ECE1: variants seen among roughly 807,000 people sequenced by gnomAD.
ECE1 encodes the protein endothelin-converting enzyme 1.
Under a neutral mutation model 98.6 loss-of-function variants are expected in ECE1, and 35 were observed. The ratio of observed to expected loss-of-function variants is 0.35; its 90% confidence interval spans 0.27 to 0.47. The LOEUF is 0.47. Among genes scored for constraint, ECE1 ranks in the 20% least tolerant of loss-of-function variants. The pLI, the probability that ECE1 is intolerant of heterozygous loss-of-function variation, is 1.00. For missense variants in ECE1, 814 were observed against 1,025.3 expected (o/e 0.79, Z 2.81); for synonymous variants, 394 against 407.1 (o/e 0.97, Z 0.39).
Position 21,245,168 on chromosome 1 carries a change from C to T in ECE1, c.1164-65G>A, listed in dbSNP as rs374750291. ...GGCAGGGAGGATTGCGGCCCTTCCC[C>T]TGCTGGCCCCTAGGGGGCTCTCAAA... is the stretch of plus-strand genomic sequence containing the variant. On this transcript the variant is annotated intron_variant, in intron 9 of 18. Coordinates refer to ENST00000374893, the MANE Select transcript of ECE1 (RefSeq NM_001397.3). The T allele has an allele frequency of 2.8e-6, 4 of 1,431,200 alleles. No homozygotes were observed. In the African/African-American group the frequency reaches 5.6e-5, roughly 20 times the overall value. The allele number at this position is 1,431,200 out of a possible 1,614,324, so 88.7% of individuals were successfully genotyped here.
chr1:21,279,013 C>A (rs1468404664), intron 3 of ECE1, among the ~76,000 whole-genome samples, 178 bp downstream of exon 3: 2 of 152,126 alleles, frequency 1.3e-5, no homozygotes, highest in African/African-American at 4.8e-5. Context: ...TTTATATCAC[C>A]CACGCTGCCC....
chr1:21,290,145 G>T lies in ECE1; in HGVS notation c.63C>A (p.Tyr21Ter). 1 of 1,565,780 alleles carries T rather than the reference G, an allele frequency of 6.4e-7. No individual in the cohort carries two copies. ...CCTCCTCGTCCAGCGTGGCCCGCTT[G>T]TACGTCGACATCTGCAAGGCCAAAT... The part of the protein sequence containing the change: ...ALLSALGMST[Y>*]KRATLDEEDL... The change falls in exon 2 of 19, where the codon TAC becomes TAA. Residue 21 changes from tyrosine to a stop codon, truncating the protein, a stop_gained. Transcript: ENST00000374893. LOFTEE classifies it high-confidence loss of function. The surrounding 1 kb of genome is among the most constrained non-coding windows in gnomAD (Gnocchi z 7.3).
At chr1:21,269,484 G>C (rs528494089) in intron 4 of ECE1, among the ~76,000 whole-genome samples, 3 of 152,188 alleles carry the variant, frequency 2.0e-5, no homozygotes, top group Non-Finnish European at 2.9e-5. Flanking sequence ...CTAATGAGCT[G>C]AGTTTCAGTT....
At chr1:21,239,023 T>A (rs1275119359) in intron 10 of ECE1, among the ~76,000 whole-genome samples, 2 of 150,638 alleles carry the variant, frequency 1.3e-5, no homozygotes, top group Non-Finnish European at 3.0e-5. Context: ...TGTGGAGACA[T>A]CATCCCACTA....
At chr1:21,257,620 T>G (rs576231805) in intron 6 of ECE1, 30 bp from the exon 7 acceptor site, 1 of 1,613,408 alleles carries the variant, frequency 6.2e-7, no homozygotes, top group South Asian at 1.1e-5. Flanking sequence ...TGAGAGGGAA[T>G]TCGTGTTGCA....
chr1:21,345,123 A>C lies in ECE1; in HGVS notation c.3+253T>G. The stretch of plus-strand genomic sequence containing the variant: ...GAACCGGGGACCCCGAGCCCCCCAC[A>C]TCCGGCTGGGACCAGAACCAAGCTC... On this transcript the variant is annotated intron_variant, in intron 1 of 18. Transcript: ENST00000415912. This position sits in a 1 kb window ranked among gnomAD's most constrained non-coding sequence, Gnocchi z 5.1. 1 of 289,404 alleles carries C rather than the reference A, an allele frequency of 3.5e-6. No individual in the cohort carries two copies. The highest frequency in any genetic ancestry group is 2.2e-5 in the African/African-American group (1 of 44,568). 17.9% of individuals were successfully genotyped at this position (289,404 alleles called of 1,614,324 possible). A position where few individuals can be genotyped will look rare whatever the true frequency, so the allele number is the denominator to read the frequency against.
intron 1 of ECE1, among the ~76,000 whole-genome samples, chr1:21,312,045 C>T (rs1353920264): frequency 6.6e-6 from 1 of 151,034 alleles, no homozygotes; most frequent in African/African-American, 2.4e-5. Context: ...ATTGCTTGAA[C>T]CCAGGAGGCG....
chr1:21,320,090 C>T (rs1283635487), intron 1 of ECE1, among the ~76,000 whole-genome samples: 1 of 152,204 alleles, frequency 6.6e-6, no homozygotes, highest in Non-Finnish European at 1.5e-5. Context: ...TGTGGTGAGC[C>T]GCATTCAAAG....
At position 21,290,052 on chromosome 1, in the gene ECE1, G is replaced by A. The variant is rs776450133; in HGVS notation, c.138+18C>T. ...GCCCGGGGCGCCTGGACCTCGGGAG[G>A]GAGCGGAGGGCGCCTACCTGCAGGC... On this transcript the variant is annotated intron_variant, in intron 2 of 18. Coordinates refer to ENST00000374893, the MANE Select transcript of ECE1 (RefSeq NM_001397.3). This position sits in a 1 kb window ranked among gnomAD's most constrained non-coding sequence, Gnocchi z 7.3. The A allele has an allele frequency of 2.1e-6, 3 of 1,446,628 alleles. No individual in the cohort carries two copies. The highest frequency in any genetic ancestry group is 5.6e-5 in the East Asian group (2 of 35,902). The allele number at this position is 1,446,628 out of a possible 1,614,324, so 89.6% of individuals were successfully genotyped here. A position where few individuals can be genotyped will look rare whatever the true frequency, so the allele number is the denominator to read the frequency against.
rs531164790 is a variant in ECE1 at position 21,227,474 on chromosome 1, A to T, written c.1782-248T>A. On this transcript the variant is annotated intron_variant, in intron 15 of 18. Transcript: ENST00000374893. ...ATGCGCTGTGCTAGATGCTCTACAG[A>T]CCTAACTGTCCTCTTCAGTCATTGC... 9.9e-5 allele frequency among the ~76,000 whole-genome samples: 15 copies of T among 152,230 alleles called. No homozygotes were observed. The South Asian group carries it at 2.9e-3, about 29-fold the overall frequency.
Position 21,225,627 on chromosome 1 carries a change from T to C in ECE1, c.1850-187A>G, listed in dbSNP as rs2098173184. Among the ~76,000 whole-genome samples the C allele has an allele frequency of 6.6e-6, 1 of 151,654 alleles. No homozygotes were observed. Among genetic ancestry groups the C allele is most frequent in the South Asian group, 2.1e-4 (1 of 4,800 alleles). On this transcript the variant is annotated intron_variant, in intron 16 of 18. Transcript: ENST00000374893. The surrounding 1 kb of genome is among the most constrained non-coding windows in gnomAD (Gnocchi z 5.3). ...GTGGCCAGTCAGAGGCGGGAGAGGA[T>C]GAAGGAGAGAAATCGGGAAAAGCTC...
chr1:21,236,970 G>A (rs1417836023), intron 11 of ECE1, 126 bp from the exon 12 acceptor site: 1 of 927,336 alleles, frequency 1.1e-6, no homozygotes, highest in African/African-American at 1.6e-5. Flanking sequence ...GGCTGGGTGA[G>A]AAGGGGAGCC....
rs559081073 is a variant in ECE1, at chr1:21,331,862, C to T, written c.3+13514G>A. ...ATTACTGCTAAGACTAGTAAAACAC[C>T]GCGGGCAGGAAAGAATGGAGGATTA... On this transcript the variant is annotated intron_variant, in intron 1 of 18. Transcript: ENST00000415912. Among the ~76,000 whole-genome samples, 9 of 152,266 alleles carry T rather than the reference C, an allele frequency of 5.9e-5. No homozygotes were observed. The East Asian group carries it at 7.7e-4, about 13-fold the overall frequency.
chr1:21,232,190 C>T (rs1319070456), intron 14 of ECE1, among the ~76,000 whole-genome samples: 2 of 152,124 alleles, frequency 1.3e-5, no homozygotes, highest in Non-Finnish European at 2.9e-5. Flanking sequence ...TTGCACCCTT[C>T]CCTAAGATTT....
intron 1 of ECE1, among the ~76,000 whole-genome samples, chr1:21,296,215 T>C (rs910846790): frequency 2.6e-4 from 40 of 152,170 alleles, no homozygotes; most frequent in African/African-American, 8.9e-4. Flanking sequence ...GAGTTATTAA[T>C]AGAAATCATG....
chr1:21,228,697 G>A (rs1360354812), intron 14 of ECE1, among the ~76,000 whole-genome samples: 2 of 151,822 alleles, frequency 1.3e-5, no homozygotes, highest in East Asian at 2.0e-4. Flanking sequence ...GCTGAGGCAC[G>A]AGAATTGCTT....
At chr1:21,294,445 G>A (rs1638298011), upstream of ECE1, 1 of 152,568 alleles carries the variant, frequency 6.6e-6, no homozygotes, top group Admixed American at 6.5e-5. This position sits in a 1 kb window ranked among gnomAD's most constrained non-coding sequence, Gnocchi z 4.2. Flanking sequence ...TTCAAGAGGA[G>A]GGCCTGGCAG....
Position 21,233,557 on chromosome 1 carries a change from C to A in ECE1, c.1670+1G>T. The A allele has an allele frequency of 6.2e-7, 1 of 1,613,310 alleles. No homozygotes were observed. Among genetic ancestry groups the A allele is most frequent in the Non-Finnish European group, 8.5e-7 (1 of 1,179,914 alleles). On this transcript the variant is annotated splice_donor_variant, in intron 14 of 18. Coordinates refer to ENST00000374893, the MANE Select transcript of ECE1 (RefSeq NM_001397.3). LOFTEE classifies it high-confidence loss of function. The surrounding 1 kb of genome is among the most constrained non-coding windows in gnomAD (Gnocchi z 4.0). The stretch of plus-strand genomic sequence containing the variant: ...TGCCGGCAGGGCCTGGGGGAACTCA[C>A]TGATCTCTGTTGGGGGCTTTCCTGA...
rs1039203230 is a variant in ECE1 at position 21,219,883 on chromosome 1, C to A, written c.*72G>T. The A allele has an allele frequency of 1.3e-6, 2 of 1,595,288 alleles. No homozygotes were observed. The highest frequency in any genetic ancestry group is 1.7e-6 in the Non-Finnish European group (2 of 1,168,856). ...GGGTGGCCAAGCGGGCTGAGCAATG[C>A]CCTGGAGGCTGGATGGGGGTCTCGT... On this transcript the variant is annotated 3_prime_UTR_variant, in exon 19 of 19. Coordinates refer to ENST00000374893, the MANE Select transcript of ECE1 (RefSeq NM_001397.3). The surrounding 1 kb of genome is among the most constrained non-coding windows in gnomAD (Gnocchi z 4.5).
Sources: gnomAD v4.1 joint callset for allele counts (sites outside exome capture counted in the v4.1 genomes callset) on GRCh38, gnomAD v4.1.1 for gene constraint, Gnocchi (gnomAD v3.1) non-coding constraint, MANE v1.5 for transcripts, NCBI Gene and HGNC (gene_info 2026-07-23, HGNC 2026-07-21) for gene names.